GPC5: variants seen among roughly 807,000 people sequenced by gnomAD.
GPC5 encodes the protein glypican 5.
Under a neutral mutation model 53.9 loss-of-function variants are expected in GPC5, and 47 were observed. That is an observed-to-expected ratio of 0.87 (90% CI 0.69 to 1.11). The LOEUF is 1.11. GPC5 is among the 50% of genes most tolerant of loss of function. The probability of loss-of-function intolerance (pLI) is 0.00; values close to 1 mark genes in which losing one functional copy is unlikely to be tolerated. For synonymous variants in GPC5, 286 were observed against 263.3 expected (o/e 1.09, Z -0.84); for missense variants, 748 against 713.1 (o/e 1.05, Z -0.56).
intron 6 of GPC5, among the ~76,000 whole-genome samples, chr13:92,046,854 C>T (rs1566410997): frequency 6.6e-6 from 1 of 152,118 alleles, no homozygotes; most frequent in Admixed American, 6.5e-5. Flanking sequence ...ATAATGCATT[C>T]GTGTATATTT....
At chr13:91,814,122 C>T (rs1366431723) in intron 5 of GPC5, among the ~76,000 whole-genome samples, 3 of 151,384 alleles carry the variant, frequency 2.0e-5, no homozygotes, top group Admixed American at 1.3e-4. Context: ...TTAGTAGAGA[C>T]GGGGTTTCAC....
intron 2 of GPC5, among the ~76,000 whole-genome samples, chr13:91,689,222 T>C (rs1306902553): frequency 6.2e-5 from 7 of 113,420 alleles, no homozygotes; most frequent in African/African-American, 2.0e-4. Context: ...TATATATATA[T>C]ATATATATAC....
At chr13:92,385,662 T>TATATACATATATATAC (rs1555331981) in intron 7 of GPC5, among the ~76,000 whole-genome samples, 1 of 141,770 alleles carries the variant, frequency 7.1e-6, no homozygotes, top group Non-Finnish European at 1.5e-5. Context: ...CATATATATA[T>TATATACATATATATAC]ACATATATAC....
At chr13:92,574,505 T>A (rs1183326889) in intron 7 of GPC5, among the ~76,000 whole-genome samples, 1 of 152,224 alleles carries the variant, frequency 6.6e-6, no homozygotes, top group Non-Finnish European at 1.5e-5. Flanking sequence ...ATATGAACTA[T>A]CAGAAAAATA....
intron 7 of GPC5, among the ~76,000 whole-genome samples, chr13:92,712,125 T>A (rs1030045967): frequency 1.5e-4 from 23 of 149,326 alleles, no homozygotes; most frequent in Non-Finnish European, 3.0e-4. Flanking sequence ...GAAAAAAAAA[T>A]GATAAACCAC....
chr13:91,732,099 G>A (rs1262641218), intron 4 of GPC5, among the ~76,000 whole-genome samples: 1 of 152,184 alleles, frequency 6.6e-6, no homozygotes, highest in African/African-American at 2.4e-5. Context: ...GATCCTTGAG[G>A]AAGCACCACA....
chr13:91,772,059 A>G (rs1014384180), intron 5 of GPC5, among the ~76,000 whole-genome samples: 6 of 152,126 alleles, frequency 3.9e-5, no homozygotes, highest in Admixed American at 3.9e-4. Context: ...CTGCTTGCCA[A>G]CCTTTGTGAG....
At chr13:91,987,949 TA>T (rs913045697) in intron 6 of GPC5, among the ~76,000 whole-genome samples, 4 of 145,992 alleles carry the variant, frequency 2.7e-5, no homozygotes, top group Non-Finnish European at 6.0e-5. Flanking sequence ...TTATAGTAAT[TA>T]TTATAGTAAA....
In GPC5 at chr13:91,586,667, GC is replaced by G. The variant is rs201546719; in HGVS notation, c.326-106515del. Reference sequence around the variant, plus strand: ...ATCATGAGAACATCATGGGGGGACTGCCCCCATGATCCAATCACCCCCCAGC... The same window carrying G: ...ATCATGAGAACATCATGGGGGGACTGCCCCATGATCCAATCACCCCCCAGC... On this transcript the variant is annotated intron_variant, in intron 2 of 7. Coordinates refer to ENST00000377067, the MANE Select transcript of GPC5 (RefSeq NM_004466.6). Among the ~76,000 whole-genome samples, 1,115 of 145,210 alleles carry G rather than the reference GC, an allele frequency of 7.7e-3. 8 individuals carry two copies. The highest frequency in any genetic ancestry group is 0.025 in the Middle Eastern group (7 of 278).
intron 6 of GPC5, among the ~76,000 whole-genome samples, chr13:91,919,880 A>G (rs923427834): frequency 2.6e-5 from 4 of 152,214 alleles, no homozygotes; most frequent in Non-Finnish European, 4.4e-5. Flanking sequence ...CAGTACACAC[A>G]GTCCATGCAG....
intron 7 of GPC5, among the ~76,000 whole-genome samples, chr13:92,436,422 G>T (rs912563931): frequency 3.3e-5 from 5 of 152,022 alleles, no homozygotes; most frequent in Admixed American, 6.6e-5. Context: ...TGTATCCTTC[G>T]CTGGCATCCA....
At chr13:91,871,203 A>G (rs887965225) in intron 5 of GPC5, among the ~76,000 whole-genome samples, 2 of 152,220 alleles carry the variant, frequency 1.3e-5, no homozygotes, top group African/African-American at 4.8e-5. Context: ...TATTCTGATT[A>G]AAGATATTCA....
At chr13:91,720,687 A>G (rs767689481) in intron 3 of GPC5, among the ~76,000 whole-genome samples, 1 of 152,120 alleles carries the variant, frequency 6.6e-6, no homozygotes, top group Non-Finnish European at 1.5e-5. Context: ...TGGATGAGTG[A>G]TTGTCATAGG....
rs538558900 is a variant in GPC5, at chr13:91,843,172, A to G, written c.1281-64765A>G. On this transcript the variant is annotated intron_variant, in intron 5 of 7. Transcript: ENST00000377067. The stretch of plus-strand genomic sequence containing the variant: ...TGCTACACACCAGAAGAAACATAAA[A>G]CTTGATTAATGATCCTCATGTTTCT... Among the ~76,000 whole-genome samples, 122 of 152,346 alleles carry G rather than the reference A, an allele frequency of 8.0e-4. 2 individuals are homozygous for G. The highest frequency in any genetic ancestry group is 2.7e-3 in the African/African-American group (111 of 41,572).
At chr13:92,542,196 T>A (rs1295452088) in intron 7 of GPC5, among the ~76,000 whole-genome samples, 1 of 151,988 alleles carries the variant, frequency 6.6e-6, no homozygotes, top group Non-Finnish European at 1.5e-5. Flanking sequence ...GAACATTTAA[T>A]ATCCTCTCTC....
At chr13:92,663,848 CACACACACTATATATATATATA>C (rs1566350985) in intron 7 of GPC5, among the ~76,000 whole-genome samples, 5,358 of 116,750 alleles carry the variant, frequency 0.046, 197 homozygotes, top group Non-Finnish European at 0.072. Flanking sequence ...TATATATACA[CACACACACTATATATATATATA>C]TATATATATA....
At chr13:92,758,046 G>A (rs1014705730) in intron 7 of GPC5, among the ~76,000 whole-genome samples, 106 of 150,194 alleles carry the variant, frequency 7.1e-4, no homozygotes, top group African/African-American at 1.8e-3. Context: ...TGTTTATTGT[G>A]GCACTATTCA....
chr13:91,584,842 G>A (rs1466527920), intron 2 of GPC5, among the ~76,000 whole-genome samples: 2 of 152,136 alleles, frequency 1.3e-5, no homozygotes, highest in East Asian at 3.9e-4. Flanking sequence ...GTCTCCCAAA[G>A]TGCTGGGATT....
intron 7 of GPC5, among the ~76,000 whole-genome samples, chr13:92,790,856 A>C (rs1876434715): frequency 6.6e-6 from 1 of 152,154 alleles, no homozygotes; most frequent in Admixed American, 6.6e-5. Flanking sequence ...TTTAAAAATT[A>C]GTTCAAACAA....
Sources: allele counts gnomAD v4.1 joint callset (sites outside exome capture counted in the v4.1 genomes callset), GRCh38; gene constraint gnomAD v4.1.1; transcripts MANE v1.5; gene names NCBI Gene and HGNC (gene_info 2026-07-23, HGNC 2026-07-21).